The following WWOX variants were observed in gnomAD, a reference collection of about 807,000 sequenced individuals.
WWOX encodes WW domain-containing oxidoreductase.
A neutral mutation model predicts 46.2 loss-of-function variants in WWOX; 69 were observed. The ratio of observed to expected loss-of-function variants is 1.49; its 90% CI spans 1.23 to 1.82. WWOX has a LOEUF of 1.82. WWOX is among the 40% of genes most tolerant of loss of function. The pLI is 0.00. For synonymous variants in WWOX, 359 were observed against 202.6 expected (o/e 1.77, Z -6.56); for missense variants, 919 against 542.6 (o/e 1.69, Z -6.89).
intron 8 of WWOX, among the ~76,000 whole-genome samples, chr16:79,020,272 T>G (rs1200762981): frequency 6.6e-6 from 1 of 152,204 alleles, no homozygotes; most frequent in Non-Finnish European, 1.5e-5. Context: ...GGACAGTGCC[T>G]GGGGCAGTCA....
intron 8 of WWOX, among the ~76,000 whole-genome samples, chr16:78,688,817 C>T (rs780848757): frequency 2.2e-4 from 34 of 152,228 alleles, no homozygotes; most frequent in Non-Finnish European, 4.3e-4. Flanking sequence ...ATGGGAGGGA[C>T]CCAGTGGGAG....
intron 8 of WWOX, among the ~76,000 whole-genome samples, chr16:79,075,949 G>T (rs779801760): frequency 5.3e-5 from 8 of 152,258 alleles, no homozygotes; most frequent in Admixed American, 2.0e-4. Flanking sequence ...CTCTAACGTT[G>T]GATCATGTGT....
In WWOX at chr16:78,587,193, C is replaced by CTTTTTT. The variant is rs528293412; in HGVS notation, c.1056+154459_1056+154464dup. Among the ~76,000 whole-genome samples the CTTTTTT allele has an allele frequency of 4.9e-4, 55 of 112,874 alleles. 1 individual carries two copies. Among genetic ancestry groups the CTTTTTT allele is most frequent in the African/African-American group, 1.6e-3 (48 of 29,488 alleles). 74.0% of individuals were successfully genotyped at this position (112,874 alleles called of 152,430 possible). ...AGCAGATGCCACCATGCCTGGCTAA[C>CTTTTTT]TTTTTTTTTTTTTTTTTTTTTTTGT... is the stretch of plus-strand genomic sequence containing the variant. On this transcript the variant is annotated intron_variant, in intron 8 of 8. Coordinates refer to ENST00000566780, the MANE Select transcript of WWOX (RefSeq NM_016373.4).
In WWOX at chr16:78,569,903, C is replaced by T. The variant is rs557668813; in HGVS notation, c.1056+137151C>T. Among the ~76,000 whole-genome samples the T allele has an allele frequency of 2.6e-5, 4 of 152,272 alleles. No individual in the cohort carries two copies. The South Asian group carries it at 6.2e-4, about 24-fold the overall frequency. On this transcript the variant is annotated intron_variant, in intron 8 of 8. Transcript: ENST00000566780. ...ATCATCTTCCTTGATCATAAATACC[C>T]ATCGGTACCTCTTGTCACATGGTGC...
At chr16:79,050,594 A>C (rs2048148082) in intron 8 of WWOX, among the ~76,000 whole-genome samples, 1 of 152,206 alleles carries the variant, frequency 6.6e-6, no homozygotes, top group Non-Finnish European at 1.5e-5. Flanking sequence ...GAGGGTGAAG[A>C]ATGGGCCCCT....
chr16:78,422,368 T>C (rs1263314847), intron 6 of WWOX, among the ~76,000 whole-genome samples: 1 of 150,994 alleles, frequency 6.6e-6, no homozygotes, highest in Admixed American at 6.6e-5. Flanking sequence ...TTTTTTTTGA[T>C]TTGGAAACAG....
At chr16:78,282,256 C>T (rs751978877) in intron 5 of WWOX, among the ~76,000 whole-genome samples, 25 of 152,176 alleles carry the variant, frequency 1.6e-4, no homozygotes, top group Non-Finnish European at 3.2e-4. Context: ...ACACACAAAT[C>T]TATAGCTTCT....
chr16:78,725,865 T>A (rs1198188492), intron 8 of WWOX, among the ~76,000 whole-genome samples: 2 of 152,098 alleles, frequency 1.3e-5, no homozygotes, highest in Non-Finnish European at 1.5e-5. Flanking sequence ...AATCTGCCTT[T>A]GTCGCTGCAT....
chr16:78,980,298 A>T (rs530928524), intron 8 of WWOX, among the ~76,000 whole-genome samples: 1 of 152,212 alleles, frequency 6.6e-6, no homozygotes, highest in Non-Finnish European at 1.5e-5. Flanking sequence ...GTAGTTTGCC[A>T]AAGATGGCTC....
chr16:78,239,224 G>A (rs1426486800), intron 5 of WWOX, among the ~76,000 whole-genome samples: 1 of 152,198 alleles, frequency 6.6e-6, no homozygotes, highest in Admixed American at 6.5e-5. Context: ...ACACTGTAAT[G>A]TGGACTGTGG....
intron 5 of WWOX, among the ~76,000 whole-genome samples, chr16:78,210,815 C>G (rs978993276): frequency 7.2e-5 from 11 of 152,092 alleles, no homozygotes; most frequent in African/African-American, 2.7e-4. Context: ...CCAAAGTAGC[C>G]TATCTGTGGT....
intron 6 of WWOX, among the ~76,000 whole-genome samples, chr16:78,392,327 C>T (rs912550156): frequency 3.9e-5 from 6 of 152,112 alleles, no homozygotes; most frequent in African/African-American, 7.2e-5. Flanking sequence ...AAATCTAATG[C>T]CTGATGATCT....
chr16:78,484,363 A>G (rs1567599866), intron 8 of WWOX, among the ~76,000 whole-genome samples: 1 of 152,080 alleles, frequency 6.6e-6, no homozygotes, highest in Non-Finnish European at 1.5e-5. Flanking sequence ...TATTCCCCAG[A>G]GTTTACTTAC....
At chr16:78,511,605 G>A (rs1057513243) in intron 8 of WWOX, among the ~76,000 whole-genome samples, 3 of 152,104 alleles carry the variant, frequency 2.0e-5, no homozygotes, top group Non-Finnish European at 2.9e-5. Flanking sequence ...TGTTATTCTC[G>A]TTGAGTACTG....
Position 78,332,391 on chromosome 16 carries a change from A to G in WWOX, c.517-54469A>G, listed in dbSNP as rs77340781. Among the ~76,000 whole-genome samples the G allele has an allele frequency of 3.9e-5, 6 of 152,264 alleles. No homozygotes were observed. In the South Asian group the frequency reaches 1.0e-3, roughly 26 times the overall value. On this transcript the variant is annotated intron_variant, in intron 5 of 8. Transcript: ENST00000566780. ...CAAGAATGGGTATTTCCTCTGTGCA[A>G]TCTGAGGGCACGGGACACTCCTCCA... is the stretch of plus-strand genomic sequence containing the variant.
In WWOX at chr16:78,867,743, C is replaced by T. The variant is rs1376211902; in HGVS notation, c.1057-343865C>T. Among the ~76,000 whole-genome samples, 3 of 152,114 alleles carry T rather than the reference C, an allele frequency of 2.0e-5. No homozygotes were observed. In the East Asian group the frequency reaches 5.8e-4, roughly 30 times the overall value. On this transcript the variant is annotated intron_variant, in intron 8 of 8. Coordinates refer to ENST00000566780, the MANE Select transcript of WWOX (RefSeq NM_016373.4). ...TTCTTAAAGTCCTACAACTGGTGAG[C>T]TGTGAGCTGTAAATTGTGGAACTAA... is the stretch of plus-strand genomic sequence containing the variant.
intron 5 of WWOX, among the ~76,000 whole-genome samples, chr16:78,202,799 C>G (rs1456672223): frequency 7.1e-6 from 1 of 140,596 alleles, no homozygotes; most frequent in Non-Finnish European, 1.5e-5. Context: ...TTGTTTTTTT[C>G]ATTGCCTGGT....
intron 5 of WWOX, among the ~76,000 whole-genome samples, chr16:78,172,591 C>CTT (rs74809880): frequency 7.7e-5 from 11 of 143,244 alleles, no homozygotes; most frequent in South Asian, 2.2e-4. Flanking sequence ...GTGTCTTCTC[C>CTT]TTTTTTTTTT....
intron 8 of WWOX, among the ~76,000 whole-genome samples, chr16:79,084,051 A>ATT (rs2048810512): frequency 6.6e-6 from 1 of 152,194 alleles, no homozygotes; most frequent in African/African-American, 2.4e-5. Flanking sequence ...AGGCAGAACC[A>ATT]GACCATCGTG....
Sources: allele counts gnomAD v4.1 joint callset (sites outside exome capture counted in the v4.1 genomes callset), GRCh38; gene constraint gnomAD v4.1.1; transcripts MANE v1.5; gene names NCBI Gene and HGNC (gene_info 2026-07-23, HGNC 2026-07-21).